TET2: variants seen among roughly 807,000 people sequenced by gnomAD.
TET2 encodes tet methylcytosine dioxygenase 2.
Under a neutral mutation model 142.9 loss-of-function variants are expected in TET2, and 299 were observed. The observed-to-expected ratio is 2.09, with a 90% CI of 1.90 to 2.30. The LOEUF is 2.30. Among genes scored for constraint, TET2 ranks in the 30% most tolerant of loss-of-function variants. The pLI is 0.00. For missense variants in TET2, 2,418 were observed against 2,378.0 expected (o/e 1.02, Z -0.35); for synonymous variants, 819 against 849.0 (o/e 0.96, Z 0.61).
Position 105,272,800 on chromosome 4 carries a change from AG to A in TET2, c.4420del (p.Ala1474LeufsTer97). 1 of 1,551,682 alleles carries A rather than the reference AG, an allele frequency of 6.4e-7. No homozygotes were observed. Among genetic ancestry groups the A allele is most frequent in the Non-Finnish European group, 8.7e-7 (1 of 1,146,970 alleles). Reference sequence around the variant, plus strand: ...GACAAAGGAAACTAGAAGCCAAGAAAGCTGCAGCTGAAAAGCTTTCCTCCCT... The same window carrying A: ...GACAAAGGAAACTAGAAGCCAAGAAACTGCAGCTGAAAAGCTTTCCTCCCT... The part of the protein sequence containing the change: ...CRQRKLEAKK[A>X]AAEKLSSLEN... On this transcript the variant is annotated frameshift_variant, in exon 10 of 11. Transcript: ENST00000380013. LOFTEE classifies it high-confidence loss of function.
intron 1 of TET2, among the ~76,000 whole-genome samples, chr4:105,148,846 AATAG>A (rs965061260): frequency 3.9e-5 from 6 of 152,196 alleles, no homozygotes; most frequent in African/African-American, 1.4e-4. Flanking sequence ...AAAACACAAT[AATAG>A]ATATTTCTCC....
rs189932940 is a variant in TET2, at chr4:105,256,418, C to T, written c.3804-3201C>T. ...GGTTGGCAGTCTTTTTCTTGTGGTT[C>T]TATGTCATTCTACTGCCTTCTGGTC... On this transcript the variant is annotated intron_variant, in intron 6 of 10. Coordinates refer to ENST00000380013, the MANE Select transcript of TET2 (RefSeq NM_001127208.3). Among the ~76,000 whole-genome samples the T allele has an allele frequency of 2.2e-3, 337 of 152,184 alleles. 2 individuals carry two copies. The highest frequency in any genetic ancestry group is 3.3e-3 in the Admixed American group (51 of 15,276).
Position 105,236,563 on chromosome 4 carries a change from C to T in TET2, c.2621C>T (p.Pro874Leu). Reference sequence around the variant, plus strand: ...CAATATTTTCCAAATAATGTGATCCCAAAGCAAGATCTTCTTCACAGGTGC... The same window carrying T: ...CAATATTTTCCAAATAATGTGATCCTAAAGCAAGATCTTCTTCACAGGTGC... The part of the protein sequence containing the change: ...HMQYFPNNVI[P>L]KQDLLHRCFQ... Residue 874 changes from proline (P) to leucine (L), a missense_variant, in exon 3 of 11, where the codon CCA (proline) becomes CTA (leucine). Pro to Leu is a moderately conservative substitution (Grantham distance 98). Transcript: ENST00000380013. The T allele has an allele frequency of 6.2e-7, 1 of 1,614,006 alleles. No individual in the cohort carries two copies. Among genetic ancestry groups the T allele is most frequent in the Non-Finnish European group, 8.5e-7 (1 of 1,179,984 alleles).
At chr4:105,238,769 A>G in intron 3 of TET2, 1 of 239,214 alleles carries the variant, frequency 4.2e-6, no homozygotes, top group Non-Finnish European at 8.9e-6. Flanking sequence ...TGATATATTG[A>G]CCCCCTCCCA....
In TET2 at chr4:105,234,219, G is replaced by A. The variant is rs1343883865; in HGVS notation, c.277G>A (p.Gly93Arg). ...GTATTCCAAGTGTTTGCAAAATGGA[G>A]GAATAAAACGCACAGTTAGTGAACC... ...RGYSKCLQNG[G>R]IKRTVSEPSL... The change falls in exon 3 of 11, where the codon GGA (glycine) becomes AGA (arginine). Residue 93 changes from glycine (G) to arginine (R), a missense_variant. Coordinates refer to ENST00000380013, the MANE Select transcript of TET2 (RefSeq NM_001127208.3). 3 of 1,614,022 alleles carry A rather than the reference G, an allele frequency of 1.9e-6. No homozygotes were observed. Among genetic ancestry groups the A allele is most frequent in the Non-Finnish European group, 2.5e-6 (3 of 1,180,030 alleles).
chr4:105,272,994 C>T lies in TET2; in HGVS notation c.4537+76C>T, dbSNP rs146157665. ...AAAATGAAAATTATTTTGGTTTTGC[C>T]CCCATCAACTTGTAAGTTCTGGGGT... is the stretch of plus-strand genomic sequence containing the variant. On this transcript the variant is annotated intron_variant, in intron 10 of 10. Coordinates refer to ENST00000380013, the MANE Select transcript of TET2 (RefSeq NM_001127208.3). The T allele has an allele frequency of 5.2e-4, 637 of 1,233,432 alleles. 4 individuals carry two copies. The African/African-American group carries it at 8.3e-3, about 16-fold the overall frequency. The allele number at this position is 1,233,432 out of a possible 1,614,324, so 76.4% of individuals were successfully genotyped here.
At chr4:105,222,856 G>A (rs961874921) in intron 2 of TET2, among the ~76,000 whole-genome samples, 11 of 152,122 alleles carry the variant, frequency 7.2e-5, no homozygotes, top group South Asian at 4.2e-4. Flanking sequence ...TAGGTCTAAC[G>A]TTTAAGTCTT....
At chr4:105,242,081 G>A in intron 4 of TET2, 1 of 1,215,408 alleles carries the variant, frequency 8.2e-7, no homozygotes, top group Non-Finnish European at 1.0e-6. Context: ...TTCTTCTAGG[G>A]TGCCTTTTCA....
chr4:105,163,806 C>CGAGA lies in TET2; in HGVS notation c.-193+16873_-193+16876dup, dbSNP rs59658275. ...TCTGGTGTTTGGAGCTCGAAAGTTT[C>CGAGA]GAGAGAGAGAGAGAGAGAGAGAGAG... On this transcript the variant is annotated intron_variant, in intron 1 of 10. Transcript: ENST00000380013. Among the ~76,000 whole-genome samples, 244 of 79,758 alleles carry CGAGA rather than the reference C, an allele frequency of 3.1e-3. 3 individuals carry two copies. The highest frequency in any genetic ancestry group is 5.9e-3 in the Middle Eastern group (1 of 170). The allele number at this position is 79,758 out of a possible 152,430, so 52.3% of individuals were successfully genotyped here. A position where few individuals can be genotyped will look rare whatever the true frequency, so the allele number is the denominator to read the frequency against.
chr4:105,182,962 T>G (rs1725207274), intron 1 of TET2, among the ~76,000 whole-genome samples: 1 of 152,218 alleles, frequency 6.6e-6, no homozygotes, highest in Non-Finnish European at 1.5e-5. Flanking sequence ...ATTTAAAAAT[T>G]CATTCTTTCC....
intron 2 of TET2, among the ~76,000 whole-genome samples, chr4:105,219,786 G>A (rs1727707220): frequency 6.6e-6 from 1 of 151,938 alleles, no homozygotes; most frequent in African/African-American, 2.4e-5. Context: ...TTAAGACTTT[G>A]TTCAGATCTC....
chr4:105,227,751 A>G (rs963592459), intron 2 of TET2, among the ~76,000 whole-genome samples: 34 of 152,186 alleles, frequency 2.2e-4, no homozygotes, highest in Non-Finnish European at 4.0e-4. Context: ...GCAAAAATTT[A>G]TATTTATCTG....
At chr4:105,194,059 C>T (rs1725937553) in intron 2 of TET2, among the ~76,000 whole-genome samples, 1 of 152,150 alleles carries the variant, frequency 6.6e-6, no homozygotes, top group East Asian at 1.9e-4. Context: ...TATAGCCATG[C>T]CTCTAGCTAG....
In TET2 at chr4:105,234,746, G is replaced by A. The variant is rs374509999; in HGVS notation, c.804G>A (p.Ser268=). ...NELSCEITHP[S]HTSGQINSAQ... ...TGTCCTGTGAGATCACTCACCCATC[G>A]CATACCTCAGGGCAGATCAATTCCG... is the stretch of plus-strand genomic sequence containing the variant. Residue 268 remains serine, a synonymous_variant, in exon 3 of 11, where the codon TCG becomes TCA. Coordinates refer to ENST00000380013, the MANE Select transcript of TET2 (RefSeq NM_001127208.3). The A allele has an allele frequency of 2.5e-5, 40 of 1,613,708 alleles. No homozygotes were observed. The highest frequency in any genetic ancestry group is 8.9e-5 in the East Asian group (4 of 44,836).
chr4:105,222,941 C>T (rs2110591082), intron 2 of TET2, among the ~76,000 whole-genome samples: 1 of 152,136 alleles, frequency 6.6e-6, no homozygotes, highest in African/African-American at 2.4e-5. Context: ...TATGGCTAGC[C>T]AGTTTTCCCA....
At chr4:105,232,589 G>C (rs186333390) in intron 2 of TET2, among the ~76,000 whole-genome samples, 1 of 152,166 alleles carries the variant, frequency 6.6e-6, no homozygotes, top group South Asian at 2.1e-4. Flanking sequence ...GAGTCATTGG[G>C]CAAATAAGGG....
chr4:105,188,249 A>G (rs890164103), intron 1 of TET2, among the ~76,000 whole-genome samples: 18 of 152,224 alleles, frequency 1.2e-4, no homozygotes, highest in Admixed American at 1.2e-3. Flanking sequence ...CATTCTACTA[A>G]GTGGAATAAG....
In TET2 at chr4:105,276,838, T is replaced by TTC. The variant is rs1553918709; in HGVS notation, c.*319_*320insTC. 7.0e-4 allele frequency: 109 copies of TTC among 155,964 alleles called. 9 individuals are homozygous for TTC. Among genetic ancestry groups the TTC allele is most frequent in the African/African-American group, 3.9e-3 (99 of 25,096 alleles). The allele number at this position is 155,964 out of a possible 1,614,324, so 9.7% of individuals were successfully genotyped here. ...TGGACGAGATGATATGTAAATGTGATCCCCCCCCCCCGCTTACAACTCTAC... is the reference window on the plus strand; with the variant it reads ...TGGACGAGATGATATGTAAATGTGATTCCCCCCCCCCCCGCTTACAACTCTAC... On this transcript the variant is annotated 3_prime_UTR_variant, in exon 11 of 11. Coordinates refer to ENST00000380013, the MANE Select transcript of TET2 (RefSeq NM_001127208.3).
At chr4:105,256,306 A>G (rs1334333560) in intron 6 of TET2, among the ~76,000 whole-genome samples, 2 of 152,160 alleles carry the variant, frequency 1.3e-5, no homozygotes, top group Non-Finnish European at 2.9e-5. Context: ...CATGCCTGAA[A>G]ACAATAAACT....
Sources: allele counts gnomAD v4.1 joint callset (sites outside exome capture counted in the v4.1 genomes callset), GRCh38; gene constraint gnomAD v4.1.1; transcripts MANE v1.5; gene names NCBI Gene and HGNC (gene_info 2026-07-23, HGNC 2026-07-21).